SLC9A9: variants seen among roughly 807,000 people sequenced by gnomAD.
SLC9A9 encodes the protein sodium/hydrogen exchanger 9.
SLC9A9 carries 62 observed loss-of-function variants against 77.8 expected under a neutral mutation model. The observed-to-expected ratio is 0.80, with a 90% confidence interval of 0.65 to 0.98. The LOEUF (loss-of-function observed/expected upper bound fraction) is 0.98, where lower values mean the gene tolerates loss of function less well. Ranked by LOEUF, SLC9A9 falls within the 50% of genes least tolerant of loss-of-function variation. The pLI is 0.00. For missense variants in SLC9A9, 775 were observed against 774.9 expected (o/e 1.00, Z 0.00); for synonymous variants, 320 against 283.5 (o/e 1.13, Z -1.29).
chr3:143,839,016 T>G (rs1480297521), intron 1 of SLC9A9, among the ~76,000 whole-genome samples: 1 of 152,196 alleles, frequency 6.6e-6, no homozygotes, highest in Non-Finnish European at 1.5e-5. Context: ...TAAATGCATT[T>G]CCTAACGTTT....
intron 2 of SLC9A9, among the ~76,000 whole-genome samples, chr3:143,810,158 T>C (rs2008826314): frequency 6.6e-6 from 1 of 152,358 alleles, no homozygotes; most frequent in Admixed American, 6.5e-5. Flanking sequence ...TGTGCACCAG[T>C]ATTTGGCTAG....
At chr3:143,819,373 G>A (rs1032870359) in intron 2 of SLC9A9, among the ~76,000 whole-genome samples, 2 of 152,182 alleles carry the variant, frequency 1.3e-5, no homozygotes, top group South Asian at 2.1e-4. Flanking sequence ...AAATTAAGTG[G>A]TGAATTAAGA....
intron 12 of SLC9A9, among the ~76,000 whole-genome samples, chr3:143,459,963 C>T (rs762921627): frequency 6.6e-6 from 1 of 152,098 alleles, no homozygotes; most frequent in East Asian, 1.9e-4. Context: ...GCCATCGTCA[C>T]CTGTCACCTT....
intron 13 of SLC9A9, among the ~76,000 whole-genome samples, chr3:143,365,332 C>A (rs2032867587): frequency 6.6e-6 from 1 of 152,140 alleles, no homozygotes. Flanking sequence ...GACTTAGTAT[C>A]TGGGAGATGA....
intron 6 of SLC9A9, among the ~76,000 whole-genome samples, chr3:143,646,417 C>T (rs2038708857): frequency 6.7e-6 from 1 of 148,164 alleles, no homozygotes; most frequent in Non-Finnish European, 1.5e-5. Flanking sequence ...TTTAACCAAG[C>T]TAGATCTTAT....
At chr3:143,319,467 T>G (rs2031337744) in intron 14 of SLC9A9, among the ~76,000 whole-genome samples, 1 of 152,336 alleles carries the variant, frequency 6.6e-6, no homozygotes, top group African/African-American at 2.4e-5. Flanking sequence ...CTAATGTAAA[T>G]GAGAAGTTAA....
At chr3:143,287,783 G>A (rs957024999) in intron 14 of SLC9A9, among the ~76,000 whole-genome samples, 2 of 152,154 alleles carry the variant, frequency 1.3e-5, no homozygotes, top group Non-Finnish European at 2.9e-5. Flanking sequence ...AGGAATGGCC[G>A]GGGTGAAGAG....
At chr3:143,280,067 C>T (rs764525700) in intron 14 of SLC9A9, among the ~76,000 whole-genome samples, 15 of 152,086 alleles carry the variant, frequency 9.9e-5, no homozygotes, top group Non-Finnish European at 1.9e-4. Context: ...GCAATTCTCC[C>T]GCCTTAGCCT....
At chr3:143,810,328 A>G (rs1049039093) in intron 2 of SLC9A9, among the ~76,000 whole-genome samples, 4 of 152,246 alleles carry the variant, frequency 2.6e-5, no homozygotes, top group African/African-American at 9.6e-5. Flanking sequence ...AATATGACTT[A>G]TCTGGGAAGA....
chr3:143,328,065 T>G (rs2031654724), intron 14 of SLC9A9, among the ~76,000 whole-genome samples: 1 of 152,232 alleles, frequency 6.6e-6, no homozygotes, highest in South Asian at 2.1e-4. Flanking sequence ...AGAATAGATC[T>G]CTATAAATCA....
At chr3:143,571,024 T>C (rs2037249057) in intron 8 of SLC9A9, among the ~76,000 whole-genome samples, 1 of 152,190 alleles carries the variant, frequency 6.6e-6, no homozygotes, top group Admixed American at 6.5e-5. Flanking sequence ...TAGAATTGTA[T>C]GTGATATCCC....
At chr3:143,402,546 T>C (rs1226818013) in intron 12 of SLC9A9, among the ~76,000 whole-genome samples, 2 of 151,830 alleles carry the variant, frequency 1.3e-5, no homozygotes, top group African/African-American at 4.8e-5. Flanking sequence ...ACCTTGTTGT[T>C]GAGTGCATCT....
chr3:143,412,463 G>A (rs952302316), intron 12 of SLC9A9, among the ~76,000 whole-genome samples: 2 of 152,054 alleles, frequency 1.3e-5, no homozygotes, highest in Non-Finnish European at 2.9e-5. Context: ...GCCCTCCCCC[G>A]GCTGGAGTTA....
At chr3:143,843,077 C>A (rs1306066713) in intron 1 of SLC9A9, among the ~76,000 whole-genome samples, 7 of 129,030 alleles carry the variant, frequency 5.4e-5, no homozygotes, top group African/African-American at 3.1e-4. Context: ...GATTAAGAAA[C>A]TTAAATCTCC....
chr3:143,445,433 C>T (rs1298090587), intron 12 of SLC9A9, among the ~76,000 whole-genome samples: 1 of 152,128 alleles, frequency 6.6e-6, no homozygotes, highest in Admixed American at 6.5e-5. Context: ...TGATACATGC[C>T]ATGTCCCAGC....
chr3:143,706,927 A>G (rs1184836932), intron 4 of SLC9A9, among the ~76,000 whole-genome samples: 1 of 152,154 alleles, frequency 6.6e-6, no homozygotes, highest in Admixed American at 6.5e-5. Context: ...ATACCTCTGC[A>G]TAGAAGGGGA....
intron 12 of SLC9A9, among the ~76,000 whole-genome samples, chr3:143,403,239 G>A (rs1471660276): frequency 3.3e-5 from 5 of 152,080 alleles, no homozygotes; most frequent in Non-Finnish European, 7.4e-5. Context: ...ATTTCTTCCT[G>A]TGGATTTGAG....
chr3:143,610,152 T>A (rs75977749), intron 6 of SLC9A9, among the ~76,000 whole-genome samples: 4,576 of 152,224 alleles, frequency 0.03, 177 homozygotes, highest in African/African-American at 0.085. Context: ...TTATTTATTT[T>A]TTTTTTATTT....
chr3:143,272,428 T>G (rs1937924639), intron 14 of SLC9A9, among the ~76,000 whole-genome samples: 1 of 152,180 alleles, frequency 6.6e-6, no homozygotes, highest in Non-Finnish European at 1.5e-5. Context: ...TCAGAGAAGG[T>G]AAATAAATTG....
Sources: gnomAD v4.1 joint callset for allele counts (sites outside exome capture counted in the v4.1 genomes callset) on GRCh38, gnomAD v4.1.1 for gene constraint, MANE v1.5 for transcripts, NCBI Gene and HGNC (gene_info 2026-07-23, HGNC 2026-07-21) for gene names.